Variants in RAPGEF2 observed in about 807,000 individuals in gnomAD.
RAPGEF2 encodes Rap guanine nucleotide exchange factor 2.
In RAPGEF2, 54 loss-of-function variants were observed where a neutral mutation model predicts 186.7. The observed-to-expected ratio is 0.29, with a 90% confidence interval of 0.23 to 0.36. The LOEUF (loss-of-function observed/expected upper bound fraction) is 0.36, where lower values mean the gene tolerates loss of function less well. Ranked by LOEUF, RAPGEF2 falls within the 10% of genes least tolerant of loss-of-function variation. RAPGEF2 has a pLI of 1.00. For missense variants in RAPGEF2, 1,532 were observed against 2,045.0 expected (o/e 0.75, Z 4.84); for synonymous variants, 712 against 705.9 (o/e 1.01, Z -0.14).
chr4:159,117,508 T>C (rs1431180518), intron 1 of RAPGEF2, among the ~76,000 whole-genome samples: 1 of 152,198 alleles, frequency 6.6e-6, no homozygotes, highest in Non-Finnish European at 1.5e-5. Context: ...GAGAAAACTC[T>C]GTGGGAGGCA....
intron 26 of RAPGEF2, chr4:159,352,381 G>C: frequency 4.2e-6 from 1 of 238,670 alleles, no homozygotes; most frequent in Non-Finnish European, 8.1e-6. Flanking sequence ...CTTTTCTGTA[G>C]ACTAATAGTG....
At chr4:159,321,866 T>G (rs1345015362) in intron 9 of RAPGEF2, among the ~76,000 whole-genome samples, 3 of 152,216 alleles carry the variant, frequency 2.0e-5, no homozygotes, top group Non-Finnish European at 4.4e-5. Context: ...TTTTAATTGA[T>G]CTTTTTTATG....
intron 1 of RAPGEF2, among the ~76,000 whole-genome samples, chr4:159,183,486 T>C (rs1246225348): frequency 1.3e-5 from 2 of 152,190 alleles, no homozygotes; most frequent in Non-Finnish European, 2.9e-5. Flanking sequence ...TAGTAAATCA[T>C]TGGGATCTTG....
chr4:159,281,684 A>AG (rs1199867409), intron 7 of RAPGEF2, among the ~76,000 whole-genome samples: 13 of 143,430 alleles, frequency 9.1e-5, no homozygotes, highest in East Asian at 3.9e-4. Flanking sequence ...AAAAAAAAAA[A>AG]AAAAAAGAAA....
At chr4:159,337,998 T>C (rs909505096) in intron 17 of RAPGEF2, among the ~76,000 whole-genome samples, 6 of 151,754 alleles carry the variant, frequency 4.0e-5, no homozygotes, top group African/African-American at 1.5e-4. Context: ...CTCATGCCTG[T>C]AATCCTAGCA....
At chr4:159,282,769 T>C (rs1195764583) in intron 7 of RAPGEF2, 1 of 349,594 alleles carries the variant, frequency 2.9e-6, no homozygotes, top group Non-Finnish European at 5.5e-6. Flanking sequence ...TTTGGGGCTG[T>C]ATTTAAATAT....
At chr4:159,234,625 G>A (rs1414463570) in intron 4 of RAPGEF2, among the ~76,000 whole-genome samples, 2 of 144,680 alleles carry the variant, frequency 1.4e-5, no homozygotes, top group African/African-American at 2.6e-5. Context: ...GTGTGATCTC[G>A]GCTCACTGCA....
intron 1 of RAPGEF2, among the ~76,000 whole-genome samples, chr4:159,122,179 A>G (rs1739769244): frequency 6.6e-6 from 1 of 152,016 alleles, no homozygotes; most frequent in Non-Finnish European, 1.5e-5. Context: ...AAAGAAATCT[A>G]TGATAAAATG....
chr4:159,235,668 C>A (rs1403867542), intron 4 of RAPGEF2, among the ~76,000 whole-genome samples: 1 of 152,046 alleles, frequency 6.6e-6, no homozygotes, highest in Non-Finnish European at 1.5e-5. Flanking sequence ...TTATCTGTTG[C>A]CTTTAAGTCT....
chr4:159,123,785 T>G (rs1349085695), intron 1 of RAPGEF2, among the ~76,000 whole-genome samples: 2 of 152,238 alleles, frequency 1.3e-5, no homozygotes, highest in African/African-American at 2.4e-5. Context: ...CCCAAAGTGC[T>G]GGGATTACAG....
intron 7 of RAPGEF2, among the ~76,000 whole-genome samples, chr4:159,248,281 T>C (rs986453448): frequency 6.6e-6 from 1 of 152,088 alleles, no homozygotes. Context: ...GATTAGGTAA[T>C]AAAGAATGGA....
intron 4 of RAPGEF2, among the ~76,000 whole-genome samples, chr4:159,235,072 T>G (rs1753092477): frequency 6.6e-6 from 1 of 152,198 alleles, no homozygotes; most frequent in Non-Finnish European, 1.5e-5. Context: ...TGAAAAATTA[T>G]CTTAATCTAT....
intron 7 of RAPGEF2, among the ~76,000 whole-genome samples, chr4:159,301,409 C>T (rs2111032729): frequency 6.6e-6 from 1 of 152,158 alleles, no homozygotes; most frequent in South Asian, 2.1e-4. Flanking sequence ...TATTGTTATC[C>T]TAATTGGTGG....
At chr4:159,160,465 C>A (rs1385197197) in intron 1 of RAPGEF2, among the ~76,000 whole-genome samples, 2 of 152,184 alleles carry the variant, frequency 1.3e-5, no homozygotes, top group Admixed American at 1.3e-4. Context: ...GATTTTAAAT[C>A]CTCACTCATG....
At chr4:159,324,701 TAGTATC>T (rs1349428886) in intron 11 of RAPGEF2, among the ~76,000 whole-genome samples, 1 of 152,118 alleles carries the variant, frequency 6.6e-6, no homozygotes. Context: ...AAAAGAGAAA[TAGTATC>T]AGTATTGATA....
At chr4:159,238,429 A>G (rs1357783817) in intron 4 of RAPGEF2, among the ~76,000 whole-genome samples, 1 of 152,186 alleles carries the variant, frequency 6.6e-6, no homozygotes, top group African/African-American at 2.4e-5. Context: ...CATGCATTTT[A>G]TACTTCTTTG....
At chr4:159,294,631 ATTT>A (rs1561227173) in intron 7 of RAPGEF2, among the ~76,000 whole-genome samples, 8 of 85,698 alleles carry the variant, frequency 9.3e-5, no homozygotes, top group African/African-American at 2.9e-4. Flanking sequence ...TTGAGCTTCC[ATTT>A]CTTCCTTCCT....
intron 9 of RAPGEF2, 76 bp from the exon 10 acceptor site, chr4:159,322,271 C>A (rs1765328949): frequency 2.2e-6 from 3 of 1,387,918 alleles, no homozygotes; most frequent in Non-Finnish European, 1.0e-6. Context: ...AAAGAAAGGA[C>A]CCTAAAACAT....
At chr4:159,335,822 G>A (rs62339287) in intron 17 of RAPGEF2, among the ~76,000 whole-genome samples, 1 of 145,334 alleles carries the variant, frequency 6.9e-6, no homozygotes, top group Non-Finnish European at 1.5e-5. Context: ...GGTGACAGAG[G>A]GAGACTCCGT....
Sources: allele counts gnomAD v4.1 joint callset (sites outside exome capture counted in the v4.1 genomes callset), GRCh38; gene constraint gnomAD v4.1.1; transcripts MANE v1.5; gene names NCBI Gene and HGNC (gene_info 2026-07-23, HGNC 2026-07-21).